Variants in DIP2C observed in about 807,000 individuals in gnomAD.
The protein encoded by DIP2C is DIP2 acetate--CoA ligase C (putative).
DIP2C carries 33 observed loss-of-function variants against 192.4 expected under a neutral mutation model. The observed-to-expected ratio is 0.17, with a 90% CI of 0.13 to 0.23. The LOEUF (loss-of-function observed/expected upper bound fraction) is 0.23, where lower values mean the gene tolerates loss of function less well. Among genes scored for constraint, DIP2C ranks in the 10% least tolerant of loss-of-function variants. DIP2C has a pLI of 1.00. For synonymous variants in DIP2C, 979 were observed against 864.1 expected (o/e 1.13, Z -2.33); for missense variants, 1,537 against 2,110.1 (o/e 0.73, Z 5.32).
chr10:442,148 G>A (rs954744154), intron 3 of DIP2C, among the ~76,000 whole-genome samples: 2 of 152,216 alleles, frequency 1.3e-5, no homozygotes, highest in African/African-American at 4.8e-5. Context: ...AAAATGGCCA[G>A]TGTGAGTGAA....
chr10:584,930 ACG>A (rs1435050945), intron 1 of DIP2C, among the ~76,000 whole-genome samples: 2 of 117,746 alleles, frequency 1.7e-5, no homozygotes, highest in Admixed American at 1.9e-4. Context: ...ACCCCCACTC[ACG>A]CGCATCACCT....
At chr10:592,446 C>T (rs1030928404) in intron 1 of DIP2C, among the ~76,000 whole-genome samples, 3 of 152,156 alleles carry the variant, frequency 2.0e-5, no homozygotes, top group Non-Finnish European at 2.9e-5. Context: ...AGATGAATGA[C>T]GGTTTGTTCC....
intron 3 of DIP2C, chr10:441,269 A>C: frequency 2.7e-6 from 1 of 368,278 alleles, no homozygotes; most frequent in Non-Finnish European, 4.9e-6. Flanking sequence ...TTTAGGGTGA[A>C]TGGACCTTGA....
intron 1 of DIP2C, among the ~76,000 whole-genome samples, chr10:525,407 A>G (rs1453006148): frequency 6.6e-6 from 1 of 152,230 alleles, no homozygotes; most frequent in Non-Finnish European, 1.5e-5. Context: ...ATGAAAATAC[A>G]TACATTTGTG....
chr10:608,104 A>C (rs983922370), intron 1 of DIP2C, among the ~76,000 whole-genome samples: 1 of 145,542 alleles, frequency 6.9e-6, no homozygotes, highest in African/African-American at 2.7e-5. Context: ...CCTAAAAAGG[A>C]ACACACACAC....
rs1203935903 is a variant in DIP2C, at chr10:475,140, T to A, written c.158-2591A>T. 2.0e-5 allele frequency among the ~76,000 whole-genome samples: 3 copies of A among 152,238 alleles called. No individual in the cohort carries two copies. In the East Asian group the frequency reaches 5.8e-4, roughly 29 times the overall value. On this transcript the variant is annotated intron_variant, in intron 2 of 36. Coordinates refer to ENST00000280886, the MANE Select transcript of DIP2C (RefSeq NM_014974.3). ...ATCCCCAAATCTGGAGCCTCCCAGT[T>A]TAATTTCTCCAGATAACACACATGG...
At position 621,311 on chromosome 10, in the gene DIP2C, C is replaced by CCA. The variant is rs57175640; in HGVS notation, c.85+68181_85+68182dup. Among the ~76,000 whole-genome samples, 1,420 of 151,084 alleles carry CCA rather than the reference C, an allele frequency of 9.4e-3. 24 individuals are homozygous for CCA. Among genetic ancestry groups the CCA allele is most frequent in the African/African-American group, 0.032 (1,322 of 41,098 alleles). ...TGTACACATCTGTCCCTGCCAACACCCACACACACCCCCAAGGTGTGCACA... is the reference window on the plus strand; with the variant it reads ...TGTACACATCTGTCCCTGCCAACACCCACACACACACCCCCAAGGTGTGCACA... On this transcript the variant is annotated intron_variant, in intron 1 of 36. Transcript: ENST00000280886.
intron 31 of DIP2C, among the ~76,000 whole-genome samples, chr10:321,121 G>A (rs185915849): frequency 6.6e-5 from 10 of 152,308 alleles, no homozygotes; most frequent in Admixed American, 2.0e-4. Context: ...TGATAGAGCC[G>A]ATTTTTGCAA....
intron 1 of DIP2C, among the ~76,000 whole-genome samples, chr10:542,713 G>A (rs1329052660): frequency 6.6e-6 from 1 of 151,974 alleles, no homozygotes; most frequent in Non-Finnish European, 1.5e-5. Flanking sequence ...CTATACCACA[G>A]GTCATCAGAT....
chr10:685,017 C>G (rs959146637), intron 1 of DIP2C, among the ~76,000 whole-genome samples: 7 of 150,924 alleles, frequency 4.6e-5, no homozygotes, highest in African/African-American at 1.7e-4. Context: ...ACCTGTAGTC[C>G]CAGCTACTTG....
At chr10:500,933 C>G (rs1845184233) in intron 1 of DIP2C, among the ~76,000 whole-genome samples, 1 of 152,132 alleles carries the variant, frequency 6.6e-6, no homozygotes, top group African/African-American at 2.4e-5. Flanking sequence ...GGCTCAGTCC[C>G]AAAAAGGCTT....
chr10:320,661 G>A (rs1956965266), intron 31 of DIP2C, among the ~76,000 whole-genome samples: 1 of 151,850 alleles, frequency 6.6e-6, no homozygotes, highest in Non-Finnish European at 1.5e-5. Flanking sequence ...GCTCACGCCT[G>A]TAATCCCAGT....
chr10:595,669 G>C (rs1320558963), intron 1 of DIP2C, among the ~76,000 whole-genome samples: 1 of 152,206 alleles, frequency 6.6e-6, no homozygotes, highest in Non-Finnish European at 1.5e-5. Flanking sequence ...GACACCCCGG[G>C]TTTACCGAAA....
Position 370,075 on chromosome 10 carries a change from C to A in DIP2C, c.1992-442G>T, listed in dbSNP as rs1051818451. On this transcript the variant is annotated intron_variant, in intron 17 of 36. Transcript: ENST00000280886. ...GAATGCAGACAAAACCACTGAACAGCAATGATGGAAATCCTGACTGTCCAG... is the reference window on the plus strand; with the variant it reads ...GAATGCAGACAAAACCACTGAACAGAAATGATGGAAATCCTGACTGTCCAG... The A allele has an allele frequency of 4.1e-6, 4 of 981,894 alleles. No individual in the cohort carries two copies. The Admixed American group carries it at 2.5e-4, about 60-fold the overall frequency. 60.8% of individuals were successfully genotyped at this position (981,894 alleles called of 1,614,324 possible).
At position 514,877 on chromosome 10, in the gene DIP2C, G is replaced by T. The variant is rs768517820; in HGVS notation, c.86-28347C>A. Reference sequence around the variant, plus strand: ...TTATTCCCACTGTGGAAGTGAAGGGGGTAAAATTCTAGGTGCCTGCAATAA... The same window carrying T: ...TTATTCCCACTGTGGAAGTGAAGGGTGTAAAATTCTAGGTGCCTGCAATAA... On this transcript the variant is annotated intron_variant, in intron 1 of 36. Transcript: ENST00000280886. 6.6e-5 allele frequency among the ~76,000 whole-genome samples: 10 copies of T among 152,100 alleles called. 1 individual carries two copies. Among genetic ancestry groups the T allele is most frequent in the Non-Finnish European group, 1.2e-4 (8 of 68,020 alleles).
At chr10:412,409 C>T (rs1289795648) in intron 8 of DIP2C, among the ~76,000 whole-genome samples, 1 of 152,226 alleles carries the variant, frequency 6.6e-6, no homozygotes, top group Admixed American at 6.5e-5. Flanking sequence ...CAATTAGCTC[C>T]AGGGCTGAAT....
At chr10:513,280 G>A (rs187676221) in intron 1 of DIP2C, among the ~76,000 whole-genome samples, 24 of 152,260 alleles carry the variant, frequency 1.6e-4, no homozygotes, top group African/African-American at 5.3e-4. Flanking sequence ...TAATGACTTA[G>A]GGGAAAAGTT....
chr10:331,269 A>C (rs1303338294), intron 29 of DIP2C, among the ~76,000 whole-genome samples: 1 of 152,212 alleles, frequency 6.6e-6, no homozygotes, highest in South Asian at 2.1e-4. Flanking sequence ...AAAGAAATGT[A>C]AGGAAGTTAG....
intron 8 of DIP2C, among the ~76,000 whole-genome samples, chr10:413,005 G>T (rs1403379756): frequency 6.6e-6 from 1 of 152,148 alleles, no homozygotes; most frequent in African/African-American, 2.4e-5. Flanking sequence ...ATTTTTTAGA[G>T]ATGGGGTCTT....
Sources: gnomAD v4.1 joint callset for allele counts (sites outside exome capture counted in the v4.1 genomes callset) on GRCh38, gnomAD v4.1.1 for gene constraint, MANE v1.5 for transcripts, NCBI Gene and HGNC (gene_info 2026-07-23, HGNC 2026-07-21) for gene names.